The following PTPRO variants were observed in gnomAD, a reference collection of about 807,000 sequenced individuals.
PTPRO encodes the protein protein tyrosine phosphatase receptor type O, also known as receptor-type tyrosine-protein phosphatase O.
PTPRO carries 62 observed loss-of-function variants against 145.2 expected under a neutral mutation model. The ratio of observed to expected loss-of-function variants is 0.43; its 90% CI spans 0.35 to 0.53. The LOEUF (loss-of-function observed/expected upper bound fraction) is 0.53. Ranked by LOEUF, PTPRO falls within the 20% of genes least tolerant of loss-of-function variation. The probability of loss-of-function intolerance (pLI) is 0.01; values close to 1 mark genes in which losing one functional copy is unlikely to be tolerated. For missense variants in PTPRO, 1,345 were observed against 1,482.7 expected, an observed-to-expected ratio of 0.91 and a Z score of 1.53; for synonymous variants, 565 against 514.7, an observed-to-expected ratio of 1.10 and a Z score of -1.32.
intron 1 of PTPRO, among the ~76,000 whole-genome samples, chr12:15,422,663 A>G (rs959631622): frequency 2.0e-5 from 3 of 152,226 alleles, no homozygotes; most frequent in African/African-American, 4.8e-5. Flanking sequence ...GCGACCATGT[A>G]GAAACGTGAG....
rs559389315 is a variant in PTPRO at position 15,554,323 on chromosome 12, TAGTC to T, written c.2558+2655_2558+2658del. 3.6e-3 allele frequency among the ~76,000 whole-genome samples: 552 copies of T among 152,186 alleles called. 2 individuals carry two copies. The highest frequency in any genetic ancestry group is 7.5e-3 in the Admixed American group (115 of 15,282). On this transcript the variant is annotated intron_variant, in intron 15 of 26. Coordinates refer to ENST00000281171, the MANE Select transcript of PTPRO (RefSeq NM_030667.3). ...AAGACTTCAGTTTTGGAAATTGTATTAGTCAGAGTTCTCTAGAGGGTCAAAACTA... is the reference window on the plus strand; with the variant it reads ...AAGACTTCAGTTTTGGAAATTGTATTAGAGTTCTCTAGAGGGTCAAAACTA...
intron 12 of PTPRO, among the ~76,000 whole-genome samples, chr12:15,526,574 G>A (rs974405374): frequency 6.6e-6 from 1 of 152,068 alleles, no homozygotes; most frequent in Non-Finnish European, 1.5e-5. Context: ...AACCCTATAA[G>A]ACAACATTCT....
intron 19 of PTPRO, 68 bp from the exon 20 acceptor site, chr12:15,578,785 A>C: frequency 9.2e-7 from 1 of 1,089,886 alleles, no homozygotes; most frequent in Non-Finnish European, 1.3e-6. Flanking sequence ...TGAGCAATAA[A>C]CCAGTTGAAC....
chr12:15,361,052 A>G (rs1938190856), intron 1 of PTPRO, among the ~76,000 whole-genome samples: 1 of 151,412 alleles, frequency 6.6e-6, no homozygotes, highest in Non-Finnish European at 1.5e-5. Flanking sequence ...TACAAATATA[A>G]GAGAAAATTT....
intron 1 of PTPRO, among the ~76,000 whole-genome samples, chr12:15,439,348 T>A: frequency 6.6e-6 from 1 of 152,094 alleles, no homozygotes; most frequent in Middle Eastern, 3.2e-3. Context: ...GCAGACCATA[T>A]AAAGCAACTA....
intron 1 of PTPRO, among the ~76,000 whole-genome samples, chr12:15,396,169 T>A (rs1184651992): frequency 1.3e-5 from 2 of 152,180 alleles, no homozygotes; most frequent in African/African-American, 4.8e-5. Context: ...AATCTGAATA[T>A]ATGTGATGTG....
At chr12:15,524,716 T>A in intron 10 of PTPRO, 98 bp from the exon 11 acceptor site, 1 of 1,321,424 alleles carries the variant, frequency 7.6e-7, no homozygotes, top group African/African-American at 1.4e-5. Flanking sequence ...TGAATTCTAA[T>A]TCGCTAAGTT....
In PTPRO at chr12:15,527,586, G is replaced by T. The variant is rs537032480; in HGVS notation, c.2164+1324G>T. ...CATACTGTAGGAGGTACATTTCACA[G>T]GTCCCTTGGGCATGAGCCCCCCAGC... On this transcript the variant is annotated intron_variant, in intron 12 of 26. Transcript: ENST00000281171. 2.0e-3 allele frequency among the ~76,000 whole-genome samples: 307 copies of T among 152,332 alleles called. 2 individuals are homozygous for T. Among genetic ancestry groups the T allele is most frequent in the African/African-American group, 7.0e-3 (293 of 41,570 alleles).
intron 1 of PTPRO, among the ~76,000 whole-genome samples, chr12:15,343,088 T>A (rs981719547): frequency 2.6e-5 from 4 of 152,264 alleles, no homozygotes; most frequent in Non-Finnish European, 4.4e-5. Flanking sequence ...TTGAATAAAC[T>A]AGTGGACAGT....
Position 15,546,604 on chromosome 12 carries a change from A to G in PTPRO, c.2200A>G (p.Lys734Glu). 6.2e-7 allele frequency: 1 copy of G among 1,612,976 alleles called. No individual in the cohort carries two copies. Among genetic ancestry groups the G allele is most frequent in the Non-Finnish European group, 8.5e-7 (1 of 1,179,420 alleles). The stretch of plus-strand genomic sequence containing the variant: ...ACCCAAATCACTCTTCGCAGTGAAC[A>G]AAACCCAGACTTCAGTGACTTTGCT... ...APPKSLFAVN[K>E]TQTSVTLLWV... The change falls in exon 13 of 27, where the codon AAA becomes GAA. Residue 734 changes from lysine (K) to glutamate (E), a missense_variant. Coordinates refer to ENST00000281171, the MANE Select transcript of PTPRO (RefSeq NM_030667.3).
At chr12:15,354,403 A>G (rs539923124) in intron 1 of PTPRO, among the ~76,000 whole-genome samples, 2 of 152,320 alleles carry the variant, frequency 1.3e-5, no homozygotes, top group Admixed American at 1.3e-4. Context: ...TGGATGCCTT[A>G]TCTTTCTTAG....
chr12:15,413,150 G>A (rs745793054), intron 1 of PTPRO, among the ~76,000 whole-genome samples: 4 of 152,008 alleles, frequency 2.6e-5, no homozygotes, highest in African/African-American at 9.7e-5. Context: ...GAATGCAGTG[G>A]CACCATCTTG....
At chr12:15,334,526 A>G (rs1242488762) in intron 1 of PTPRO, among the ~76,000 whole-genome samples, 1 of 152,206 alleles carries the variant, frequency 6.6e-6, no homozygotes, top group Non-Finnish European at 1.5e-5. Context: ...TAAATAATTC[A>G]GTATTTCTCT....
chr12:15,526,079 T>G lies in PTPRO; in HGVS notation c.2044-63T>G, dbSNP rs988911789. 19 of 1,604,778 alleles carry G rather than the reference T, an allele frequency of 1.2e-5. No homozygotes were observed. In the Admixed American group the frequency reaches 3.0e-4, roughly 25 times the overall value. ...TGTGTCTGCTATAGTCCTTTAGTTG[T>G]TTGGGGTGGTGCACTGATTCATTCA... is the stretch of plus-strand genomic sequence containing the variant. On this transcript the variant is annotated intron_variant, in intron 11 of 26. Coordinates refer to ENST00000281171, the MANE Select transcript of PTPRO (RefSeq NM_030667.3).
chr12:15,515,507 A>G lies in PTPRO; in HGVS notation c.1474A>G (p.Ser492Gly). The G allele has an allele frequency of 6.2e-7, 1 of 1,614,008 alleles. No homozygotes were observed. Among genetic ancestry groups the G allele is most frequent in the Non-Finnish European group, 8.5e-7 (1 of 1,179,920 alleles). ...EKQYCTQVNS[S>G]KPIIENLVPG... ...GGTGTTTGGTTTAAAGGTGAACTCA[A>G]GCAAACCTATTATTGAAAATCTGGT... Residue 492 changes from serine to glycine, a missense_variant, in exon 8 of 27, where the codon AGC becomes GGC. Around this residue, in one of 3 missense-constraint regions of PTPRO, gnomAD observed 1,130 missense variants for 1,214.7 expected, o/e 0.93. Coordinates refer to ENST00000281171, the MANE Select transcript of PTPRO (RefSeq NM_030667.3).
intron 22 of PTPRO, among the ~76,000 whole-genome samples, chr12:15,581,118 G>A (rs1944304464): frequency 6.6e-6 from 1 of 152,076 alleles, no homozygotes; most frequent in African/African-American, 2.4e-5. Flanking sequence ...AAGTTTTGGG[G>A]AGCTGGCAAG....
intron 1 of PTPRO, among the ~76,000 whole-genome samples, chr12:15,342,232 T>C (rs1867019164): frequency 6.6e-6 from 1 of 152,172 alleles, no homozygotes; most frequent in South Asian, 2.1e-4. Flanking sequence ...ATAAAAGTCA[T>C]AAAAATTTCT....
intron 1 of PTPRO, among the ~76,000 whole-genome samples, chr12:15,325,790 C>T (rs888577978): frequency 1.3e-5 from 2 of 152,130 alleles, no homozygotes; most frequent in East Asian, 1.9e-4. Flanking sequence ...AGGTGCAAAT[C>T]GTGGAATATG....
At chr12:15,450,954 G>A (rs1941030565) in intron 1 of PTPRO, among the ~76,000 whole-genome samples, 1 of 151,920 alleles carries the variant, frequency 6.6e-6, no homozygotes. Flanking sequence ...GCAACAAATA[G>A]CACAATGAAT....
Sources: gnomAD v4.1 joint callset for allele counts (sites outside exome capture counted in the v4.1 genomes callset) on GRCh38, gnomAD v4.1.1 for gene constraint, gnomAD v4.1.1 regional missense constraint, MANE v1.5 for transcripts, NCBI Gene and HGNC (gene_info 2026-07-23, HGNC 2026-07-21) for gene names.